The following NRXN1 variants were observed in gnomAD, a reference collection of about 807,000 sequenced individuals.
NRXN1 encodes neurexin 1, also known as neurexin-1.
In NRXN1, 39 loss-of-function variants were observed where a neutral mutation model predicts 150.9. That is an observed-to-expected ratio of 0.26 (90% CI 0.20 to 0.34). The LOEUF is 0.34. Ranked by LOEUF, NRXN1 falls within the 10% of genes least tolerant of loss-of-function variation. The pLI, the probability that NRXN1 is intolerant of heterozygous loss-of-function variation, is 1.00. For synonymous variants in NRXN1, 924 were observed against 757.0 expected (o/e 1.22, Z -3.62); for missense variants, 1,815 against 1,949.9 (o/e 0.93, Z 1.30).
intron 21 of NRXN1, among the ~76,000 whole-genome samples, chr2:49,992,747 C>G (rs1474639137): frequency 6.6e-6 from 1 of 152,000 alleles, no homozygotes; most frequent in Non-Finnish European, 1.5e-5. Context: ...AAAAAAGGGC[C>G]AAAATCTTAA....
intron 17 of NRXN1, among the ~76,000 whole-genome samples, chr2:50,390,067 A>G (rs2103798385): frequency 6.6e-6 from 1 of 152,336 alleles, no homozygotes; most frequent in African/African-American, 2.4e-5. Flanking sequence ...TAGTAGTATT[A>G]GACTGTATTG....
In NRXN1 at chr2:50,497,667, T is replaced by C. The variant is rs1188372539; in HGVS notation, c.2545A>G (p.Thr849Ala). ...HTRLEFHNIETGIITERRYLS... is the reference protein window; with the variant it reads ...HTRLEFHNIEAGIITERRYLS... ...TACCGTCGTTCTGTGATGATGCCAGTCTCTATGTTATGGAACTCCAGCCTA... is the reference window on the plus strand; with the variant it reads ...TACCGTCGTTCTGTGATGATGCCAGCCTCTATGTTATGGAACTCCAGCCTA... The change falls in exon 14 of 23, where the codon ACT (threonine) becomes GCT (alanine). Residue 849 changes from threonine (T) to alanine (A), a missense_variant. Thr to Ala is a moderately conservative substitution (Grantham distance 58). This residue lies in a region of NRXN1 where 638 missense variants were observed against 652.6 expected (regional missense o/e 0.98). Transcript: ENST00000401669. 1.9e-6 allele frequency: 3 copies of C among 1,613,816 alleles called. No homozygotes were observed. Among genetic ancestry groups the C allele is most frequent in the South Asian group, 2.2e-5 (2 of 91,078 alleles).
chr2:50,311,561 T>C (rs1386619713), intron 17 of NRXN1, among the ~76,000 whole-genome samples: 1 of 152,052 alleles, frequency 6.6e-6, no homozygotes, highest in Non-Finnish European at 1.5e-5. Flanking sequence ...CAGAGGTAGG[T>C]GGAATGTATA....
At chr2:50,894,242 T>TAATA (rs202034347) in intron 5 of NRXN1, among the ~76,000 whole-genome samples, 44,473 of 142,128 alleles carry the variant, frequency 0.31, 7,243 homozygotes, top group Non-Finnish European at 0.36. Context: ...AGTATAATAA[T>TAATA]AATAAATAAA....
intron 5 of NRXN1, among the ~76,000 whole-genome samples, chr2:50,715,692 C>A (rs1695776949): frequency 1.3e-5 from 2 of 152,248 alleles, no homozygotes; most frequent in South Asian, 4.1e-4. Flanking sequence ...GCTTAGTTTG[C>A]ATGCAACACT....
chr2:50,609,705 G>C (rs1030122696), intron 8 of NRXN1, among the ~76,000 whole-genome samples: 4 of 152,010 alleles, frequency 2.6e-5, no homozygotes, highest in Non-Finnish European at 5.9e-5. Flanking sequence ...AAAAGTTATT[G>C]TTATTCCTGT....
intron 5 of NRXN1, among the ~76,000 whole-genome samples, chr2:50,690,937 C>T (rs1008347872): frequency 1.3e-5 from 2 of 152,138 alleles, no homozygotes; most frequent in African/African-American, 4.8e-5. Flanking sequence ...GCCCCCTCAT[C>T]GGGTACAACA....
intron 18 of NRXN1, among the ~76,000 whole-genome samples, chr2:50,202,362 C>T (rs575252428): frequency 2.6e-5 from 4 of 152,106 alleles, no homozygotes; most frequent in South Asian, 2.1e-4. Flanking sequence ...AAAAATTAGC[C>T]GGGTGTGGTG....
At chr2:50,396,560 T>C (rs2082063108) in intron 17 of NRXN1, among the ~76,000 whole-genome samples, 2 of 152,242 alleles carry the variant, frequency 1.3e-5, no homozygotes. Flanking sequence ...GAATGGGTTA[T>C]GAGGAATTGT....
rs780738793 is a variant in NRXN1 at position 50,053,594 on chromosome 2, T to C, written c.3809-4A>G. 1 of 1,613,720 alleles carries C rather than the reference T, an allele frequency of 6.2e-7. No individual in the cohort carries two copies. The highest frequency in any genetic ancestry group is 8.5e-7 in the Non-Finnish European group (1 of 1,179,756). ...TTGAAGATTGTGAGCTGACGCCCTG[T>C]AAAAATAATATTACATACATGCAAA... On this transcript the variant is annotated splice_polypyrimidine_tract_variant and splice_region_variant and intron_variant, in intron 20 of 22. Transcript: ENST00000401669.
At chr2:50,276,783 T>C (rs1443449040) in intron 17 of NRXN1, among the ~76,000 whole-genome samples, 1 of 152,152 alleles carries the variant, frequency 6.6e-6, no homozygotes. Flanking sequence ...TCCAGTTCTT[T>C]AGGAAATCCC....
chr2:50,283,054 T>C (rs2071665942), intron 17 of NRXN1, among the ~76,000 whole-genome samples: 2 of 152,168 alleles, frequency 1.3e-5, no homozygotes, highest in Admixed American at 1.3e-4. Flanking sequence ...TTTTGAGACT[T>C]GTAAGCTCTG....
At chr2:50,616,519 A>G (rs1020296012) in intron 8 of NRXN1, 8 of 152,124 alleles carry the variant, frequency 5.3e-5, no homozygotes, top group Non-Finnish European at 2.9e-5. Context: ...TAAATGTGTA[A>G]ATTCGTGAGA....
chr2:50,442,332 C>A (rs1214944782), intron 17 of NRXN1, among the ~76,000 whole-genome samples: 1 of 152,162 alleles, frequency 6.6e-6, no homozygotes, highest in African/African-American at 2.4e-5. Context: ...AAAATCCATA[C>A]TTTAAACACT....
chr2:50,988,755 G>A (rs1018446629), intron 2 of NRXN1, among the ~76,000 whole-genome samples: 1 of 151,916 alleles, frequency 6.6e-6, no homozygotes, highest in African/African-American at 2.4e-5. Context: ...AGCAGCTGCT[G>A]TACCTAAGCT....
At chr2:50,523,577 C>T (rs1248078444) in intron 12 of NRXN1, among the ~76,000 whole-genome samples, 3 of 152,276 alleles carry the variant, frequency 2.0e-5, no homozygotes, top group South Asian at 4.1e-4. Flanking sequence ...TGACATTTTG[C>T]ATTCTTTTAT....
At chr2:50,681,327 G>C (rs559052944) in intron 5 of NRXN1, among the ~76,000 whole-genome samples, 1 of 152,168 alleles carries the variant, frequency 6.6e-6, no homozygotes, top group African/African-American at 2.4e-5. Context: ...GAAATTGAAT[G>C]ATCTTGATCT....
chr2:50,840,539 C>T (rs1672722858), intron 5 of NRXN1, among the ~76,000 whole-genome samples: 1 of 152,088 alleles, frequency 6.6e-6, no homozygotes, highest in Non-Finnish European at 1.5e-5. Flanking sequence ...CACGTCTCGG[C>T]TTGCCTGACA....
intron 5 of NRXN1, among the ~76,000 whole-genome samples, chr2:50,914,479 T>C (rs1206314286): frequency 6.6e-6 from 1 of 151,690 alleles, no homozygotes; most frequent in Non-Finnish European, 1.5e-5. Context: ...CATGCAAAGA[T>C]TAATTACTGT....
Sources: gnomAD v4.1 joint callset for allele counts (sites outside exome capture counted in the v4.1 genomes callset) on GRCh38, gnomAD v4.1.1 for gene constraint, gnomAD v4.1.1 regional missense constraint, MANE v1.5 for transcripts, NCBI Gene and HGNC (gene_info 2026-07-23, HGNC 2026-07-21) for gene names.